The following ZBTB8B variants were observed in gnomAD, a reference collection of about 807,000 sequenced individuals.
ZBTB8B encodes the protein zinc finger and BTB domain containing 8B.
A neutral mutation model predicts 30.3 loss-of-function variants in ZBTB8B; 17 were observed. The ratio of observed to expected loss-of-function variants is 0.56; its 90% CI spans 0.38 to 0.84. ZBTB8B has a LOEUF of 0.84. Ranked by LOEUF, ZBTB8B falls within the 40% of genes least tolerant of loss-of-function variation. The probability of loss-of-function intolerance (pLI) is 0.00; values close to 1 mark genes in which losing one functional copy is unlikely to be tolerated. For missense variants in ZBTB8B, 515 were observed against 644.9 expected, an observed-to-expected ratio of 0.80 and a Z score of 2.18; for synonymous variants, 248 against 255.6, an observed-to-expected ratio of 0.97 and a Z score of 0.28.
At chr1:32,467,462 C>T (rs1217249697) in intron 1 of ZBTB8B, among the ~76,000 whole-genome samples, 1 of 151,958 alleles carries the variant, frequency 6.6e-6, no homozygotes, top group Non-Finnish European at 1.5e-5. Context: ...CTACGTTGGC[C>T]AGGCTGGTCT....
At chr1:32,466,458 T>C (rs540183102) in intron 1 of ZBTB8B, among the ~76,000 whole-genome samples, 1 of 152,290 alleles carries the variant, frequency 6.6e-6, no homozygotes, top group Non-Finnish European at 1.5e-5. Context: ...CGGATAAATG[T>C]GCTTCTGAGA....
Position 32,481,066 on chromosome 1 carries a change from G to T in ZBTB8B, c.1167G>T (p.Leu389=). Residue 389 remains leucine (L), a synonymous_variant, in exon 3 of 4, where the codon CTG becomes CTT. Coordinates refer to ENST00000609129, the MANE Select transcript of ZBTB8B (RefSeq NM_001145720.2). ...TRQEHLRSHA[L]SVHRSNRPII... ...AAGAGCACCTGCGGAGCCACGCACTGAGTGTAAGTGTTCGAGCTGGCCATG... is the reference window on the plus strand; with the variant it reads ...AAGAGCACCTGCGGAGCCACGCACTTAGTGTAAGTGTTCGAGCTGGCCATG... 1 of 1,548,790 alleles carries T rather than the reference G, an allele frequency of 6.5e-7. No homozygotes were observed.
intron 1 of ZBTB8B, among the ~76,000 whole-genome samples, chr1:32,468,616 A>C (rs1342366671): frequency 6.6e-6 from 1 of 152,116 alleles, no homozygotes; most frequent in African/African-American, 2.4e-5. Context: ...GAATCCACCA[A>C]ATACTTCAGT....
Position 32,471,078 on chromosome 1 carries a change from G to T in ZBTB8B, c.454G>T (p.Ala152Ser), listed in dbSNP as rs1241815006. The part of the protein sequence containing the change: ...AAAAAAAAAA[A>S]AHQVDSESPS... ...GGCGGCTGCAGCGGCGGCAGCAGCG[G>T]CGGCTCATCAGGTTGACAGTGAAAG... Residue 152 changes from alanine (A) to serine (S), a missense_variant, in exon 2 of 4, where the codon GCG becomes TCG. Ala to Ser is a moderately conservative substitution (Grantham distance 99). Coordinates refer to ENST00000609129, the MANE Select transcript of ZBTB8B (RefSeq NM_001145720.2). The T allele has an allele frequency of 6.5e-7, 1 of 1,549,954 alleles. No individual in the cohort carries two copies. The highest frequency in any genetic ancestry group is 1.2e-5 in the South Asian group (1 of 84,020).
intron 2 of ZBTB8B, among the ~76,000 whole-genome samples, chr1:32,476,582 A>G (rs1237421607): frequency 6.6e-6 from 1 of 151,968 alleles, no homozygotes; most frequent in Non-Finnish European, 1.5e-5. Flanking sequence ...GCCCAGAGGG[A>G]TCTTTTAAAT....
Position 32,494,673 on chromosome 1 carries a change from TTA to T in ZBTB8B, c.*9257_*9258del, listed in dbSNP as rs1349082751. The T allele has an allele frequency of 6.6e-6, 1 of 152,158 alleles. No individual in the cohort carries two copies. The highest frequency in any genetic ancestry group is 2.4e-5 in the African/African-American group (1 of 41,432). 9.4% of individuals were successfully genotyped at this position (152,158 alleles called of 1,614,324 possible). ...ACACACAAAAGGCAAATTAAAATATTTATTGTCCACTTAATATGTGTTCTGTG... is the reference window on the plus strand; with the variant it reads ...ACACACAAAAGGCAAATTAAAATATTTTGTCCACTTAATATGTGTTCTGTG... On this transcript the variant is annotated 3_prime_UTR_variant, in exon 4 of 4. Coordinates refer to ENST00000609129, the MANE Select transcript of ZBTB8B (RefSeq NM_001145720.2).
intron 3 of ZBTB8B, among the ~76,000 whole-genome samples, chr1:32,483,284 G>A (rs956543754): frequency 3.4e-5 from 5 of 146,252 alleles, no homozygotes; most frequent in Non-Finnish European, 4.5e-5. Context: ...AATTAGCCAG[G>A]CTTGGTGGCA....
intron 1 of ZBTB8B, among the ~76,000 whole-genome samples, chr1:32,469,745 C>G (rs1026655276): frequency 6.6e-6 from 1 of 152,146 alleles, no homozygotes; most frequent in African/African-American, 2.4e-5. Flanking sequence ...TATTTACTTA[C>G]AAGGTTTTTA....
At position 32,494,741 on chromosome 1, in the gene ZBTB8B, A is replaced by G. The variant is rs1253343263; in HGVS notation, c.*9323A>G. 1 of 152,158 alleles carries G rather than the reference A, an allele frequency of 6.6e-6. No individual in the cohort carries two copies. Among genetic ancestry groups the G allele is most frequent in the Non-Finnish European group, 1.5e-5 (1 of 68,040 alleles). The allele number at this position is 152,158 out of a possible 1,614,324, so 9.4% of individuals were successfully genotyped here. A position where few individuals can be genotyped will look rare whatever the true frequency, so the allele number is the denominator to read the frequency against. ...TTCATTTTACTTATAAAAAATTTCA[A>G]AAGTAAAAATATATATATTATTAAC... is the stretch of plus-strand genomic sequence containing the variant. On this transcript the variant is annotated 3_prime_UTR_variant, in exon 4 of 4. Transcript: ENST00000609129.
rs982879979 is a variant in ZBTB8B at position 32,480,780 on chromosome 1, T to C, written c.992-111T>C. ...GCTGGTGGCGGAGTTGGTGTCCTCC[T>C]CTTCTATCTGGGCTGGTGGAATTCC... On this transcript the variant is annotated intron_variant, in intron 2 of 3. Transcript: ENST00000609129. The C allele has an allele frequency of 4.5e-5, 47 of 1,054,516 alleles. No homozygotes were observed. In the Middle Eastern group the frequency reaches 9.3e-4, roughly 21 times the overall value. 65.3% of individuals were successfully genotyped at this position (1,054,516 alleles called of 1,614,324 possible). A position where few individuals can be genotyped will look rare whatever the true frequency, so the allele number is the denominator to read the frequency against.
intron 1 of ZBTB8B, among the ~76,000 whole-genome samples, chr1:32,466,085 T>C (rs191245235): frequency 1.3e-5 from 2 of 152,216 alleles, no homozygotes; most frequent in African/African-American, 2.4e-5. Context: ...GCTTGTACTT[T>C]GTACAGTGTT....
In ZBTB8B at chr1:32,471,171, G is replaced by C. The variant is rs1643616762; in HGVS notation, c.547G>C (p.Glu183Gln). 1.3e-6 allele frequency: 2 copies of C among 1,551,872 alleles called. No individual in the cohort carries two copies. The highest frequency in any genetic ancestry group is 2.4e-5 in the South Asian group (2 of 84,066). ...KSLVSSPAEGEKSVECLRESP... is the reference protein window; with the variant it reads ...KSLVSSPAEGQKSVECLRESP... ...CTTGGTCTCCTCTCCAGCCGAGGGA[G>C]AAAAGAGCGTGGAGTGCCTGAGAGA... is the stretch of plus-strand genomic sequence containing the variant. Residue 183 changes from glutamate (E) to glutamine (Q), a missense_variant, in exon 2 of 4, where the codon GAA (glutamate) becomes CAA (glutamine). Glu to Gln is a conservative substitution (Grantham distance 29). This residue lies in a region of ZBTB8B where 429 missense variants were observed against 504.3 expected (regional missense o/e 0.85). Transcript: ENST00000609129.
intron 1 of ZBTB8B, among the ~76,000 whole-genome samples, chr1:32,468,416 A>G (rs1643589483): frequency 6.6e-6 from 1 of 152,166 alleles, no homozygotes. Flanking sequence ...CTCCGAGCCA[A>G]TCACTGTGGT....
At position 32,471,062 on chromosome 1, in the gene ZBTB8B, A is replaced by AGCG; in HGVS notation, c.444_446dup (p.Ala153dup). 4 of 1,544,550 alleles carry AGCG rather than the reference A, an allele frequency of 2.6e-6. No individual in the cohort carries two copies. In the South Asian group the frequency reaches 3.6e-5, roughly 14 times the overall value. On this transcript the variant is annotated inframe_insertion, in exon 2 of 4. Transcript: ENST00000609129. ...TGGCGGCGGCAGCGGCGGCGGCTGC[A>AGCG]GCGGCGGCAGCAGCGGCGGCTCATC...
chr1:32,471,545 A>G lies in ZBTB8B; in HGVS notation c.921A>G (p.Arg307=). Residue 307 remains arginine, a synonymous_variant, in exon 2 of 4, where the codon AGA becomes AGG. Transcript: ENST00000609129. ...DHHFSRSLEG[R]PEGAGVAMSS... is the part of the protein sequence containing the mutation. ...ACTTTTCTAGGAGTTTGGAAGGAAG[A>G]CCAGAAGGTGCAGGAGTAGCCATGA... 1 of 1,551,780 alleles carries G rather than the reference A, an allele frequency of 6.4e-7. No homozygotes were observed.
chr1:32,482,694 A>G (rs1643714938), intron 3 of ZBTB8B, among the ~76,000 whole-genome samples: 1 of 149,740 alleles, frequency 6.7e-6, no homozygotes, highest in African/African-American at 2.5e-5. Context: ...AAAAAAAAAG[A>G]ATACGAAAAC....
At position 32,485,223 on chromosome 1, in the gene ZBTB8B, CGAT is replaced by C. The variant is rs868196267; in HGVS notation, c.1306_1308del (p.Asp436del). The C allele has an allele frequency of 1.9e-6, 3 of 1,551,824 alleles. No homozygotes were observed. The highest frequency in any genetic ancestry group is 1.2e-5 in the South Asian group (1 of 84,056). On this transcript the variant is annotated inframe_deletion, in exon 4 of 4. Transcript: ENST00000609129. ...GCTGCACCTGCGTTACAGACACACC[CGAT>C]GATGATGATGATTTGATGCCCATCA...
At position 32,495,344 on chromosome 1, in the gene ZBTB8B, C is replaced by A. The variant is rs1443455836; in HGVS notation, c.*9926C>A. 6.6e-6 allele frequency: 1 copy of A among 152,058 alleles called. No individual in the cohort carries two copies. Among genetic ancestry groups the A allele is most frequent in the African/African-American group, 2.4e-5 (1 of 41,390 alleles). 9.4% of individuals were successfully genotyped at this position (152,058 alleles called of 1,614,324 possible). A position where few individuals can be genotyped will look rare whatever the true frequency, so the allele number is the denominator to read the frequency against. Reference sequence around the variant, plus strand: ...TAGAAAAACAGATTAGCCACTTAATCTAAAAATACCTAGATGCAGTATTCC... The same window carrying A: ...TAGAAAAACAGATTAGCCACTTAATATAAAAATACCTAGATGCAGTATTCC... On this transcript the variant is annotated 3_prime_UTR_variant, in exon 4 of 4. Coordinates refer to ENST00000609129, the MANE Select transcript of ZBTB8B (RefSeq NM_001145720.2).
intron 1 of ZBTB8B, among the ~76,000 whole-genome samples, chr1:32,469,874 C>G (rs1035725458): frequency 1.3e-5 from 2 of 152,042 alleles, no homozygotes; most frequent in African/African-American, 4.8e-5. Context: ...TTTATTAGAT[C>G]CAAAGCAGAC....
Sources: gnomAD v4.1 joint callset for allele counts (sites outside exome capture counted in the v4.1 genomes callset) on GRCh38, gnomAD v4.1.1 for gene constraint, gnomAD v4.1.1 regional missense constraint, MANE v1.5 for transcripts, NCBI Gene and HGNC (gene_info 2026-07-23, HGNC 2026-07-21) for gene names.